The following PLD5 variants were observed in gnomAD, a reference collection of about 807,000 sequenced individuals.
PLD5 encodes inactive phospholipase D5.
PLD5 carries 36 observed loss-of-function variants against 61.1 expected under a neutral mutation model. The ratio of observed to expected loss-of-function variants is 0.59; its 90% CI spans 0.45 to 0.78. PLD5 has a LOEUF of 0.78. PLD5 is among the 30% of genes least tolerant of loss of function. The pLI, the probability that PLD5 is intolerant of heterozygous loss-of-function variation, is 0.00. For synonymous variants in PLD5, 243 were observed against 242.8 expected, an observed-to-expected ratio of 1.00 and a Z score of -0.01; for missense variants, 515 against 644.4, an observed-to-expected ratio of 0.80 and a Z score of 2.17.
chr1:242,250,868 T>C (rs2653179), intron 4 of PLD5, among the ~76,000 whole-genome samples: 1 of 151,248 alleles, frequency 6.6e-6, no homozygotes, highest in African/African-American at 2.4e-5. Context: ...TAAGTTAGAG[T>C]AGTAGAGGGA....
chr1:242,332,249 G>A (rs541195318), intron 2 of PLD5, among the ~76,000 whole-genome samples: 1 of 152,272 alleles, frequency 6.6e-6, no homozygotes, highest in East Asian at 1.9e-4. Flanking sequence ...GTATTTCATG[G>A]TGTATATGTG....
At chr1:242,479,973 C>T (rs1475159410) in intron 1 of PLD5, among the ~76,000 whole-genome samples, 1 of 151,570 alleles carries the variant, frequency 6.6e-6, no homozygotes, top group Non-Finnish European at 1.5e-5. Flanking sequence ...ATCACTTGAA[C>T]CTGGAAGGCA....
chr1:242,110,258 A>G (rs12129045), intron 7 of PLD5, among the ~76,000 whole-genome samples: 59,773 of 151,510 alleles, frequency 0.39, 11,947 homozygotes, highest in Middle Eastern at 0.54. Flanking sequence ...TGTCAGGGCC[A>G]AGGGGAGGAA....
intron 5 of PLD5, among the ~76,000 whole-genome samples, chr1:242,218,388 C>G (rs977358785): frequency 2.6e-5 from 4 of 152,152 alleles, no homozygotes; most frequent in African/African-American, 9.7e-5. Context: ...GTGTGACTTG[C>G]TTTATTGCAG....
chr1:242,128,059 G>A (rs183802603), intron 5 of PLD5, among the ~76,000 whole-genome samples: 188 of 152,310 alleles, frequency 1.2e-3, no homozygotes, highest in African/African-American at 4.4e-3. Context: ...AAGCTTGCAT[G>A]AGAATATGCT....
chr1:242,367,350 A>G (rs1185706045), intron 1 of PLD5, among the ~76,000 whole-genome samples: 1 of 152,172 alleles, frequency 6.6e-6, no homozygotes, highest in Non-Finnish European at 1.5e-5. Flanking sequence ...ACAGAAATGG[A>G]AAGAGCTCTG....
intron 9 of PLD5, among the ~76,000 whole-genome samples, chr1:242,099,167 G>T (rs536400922): frequency 3.4e-4 from 51 of 152,186 alleles, no homozygotes; most frequent in African/African-American, 1.2e-3. Context: ...TGTCACCCTG[G>T]CTGGAGTGCA....
Position 242,211,163 on chromosome 1 carries a change from A to C in PLD5, c.735+8825T>G, listed in dbSNP as rs142542537. 1.2e-3 allele frequency among the ~76,000 whole-genome samples: 185 copies of C among 152,328 alleles called. 4 individuals carry two copies. In the East Asian group the frequency reaches 0.032, roughly 26 times the overall value. Reference sequence around the variant, plus strand: ...AATGTAGACAAAACAACCTTCTATTAGAAGAAGATGCCATCTAGGACTTTT... The same window carrying C: ...AATGTAGACAAAACAACCTTCTATTCGAAGAAGATGCCATCTAGGACTTTT... On this transcript the variant is annotated intron_variant, in intron 5 of 9. Coordinates refer to ENST00000536534, the MANE Select transcript of PLD5 (RefSeq NM_001372062.1).
In PLD5 at chr1:242,256,852, C is replaced by T. The variant is rs1673066820; in HGVS notation, c.607+8485G>A. ...CTATTTCTTTCTTTCTGTGTATCTG[C>T]CATCTATCTTCCTATCTTCTTTCTT... On this transcript the variant is annotated intron_variant, in intron 4 of 9. Coordinates refer to ENST00000536534, the MANE Select transcript of PLD5 (RefSeq NM_001372062.1). The surrounding 1 kb of genome is among the most constrained non-coding windows in gnomAD (Gnocchi z 5.7). Among the ~76,000 whole-genome samples, 1 of 148,108 alleles carries T rather than the reference C, an allele frequency of 6.8e-6. No individual in the cohort carries two copies.
At chr1:242,493,917 C>T (rs1017008888) in intron 1 of PLD5, among the ~76,000 whole-genome samples, 2 of 152,214 alleles carry the variant, frequency 1.3e-5, no homozygotes, top group South Asian at 2.1e-4. Flanking sequence ...TAAGCTCTGT[C>T]GAAAAGGAAT....
chr1:242,260,387 G>A (rs531229953), intron 4 of PLD5, among the ~76,000 whole-genome samples: 27 of 151,408 alleles, frequency 1.8e-4, no homozygotes, highest in African/African-American at 6.0e-4. Flanking sequence ...CTCCCTGTAA[G>A]CCAAGTGGTG....
At chr1:242,313,756 A>C (rs2149176982) in intron 2 of PLD5, among the ~76,000 whole-genome samples, 1 of 152,202 alleles carries the variant, frequency 6.6e-6, no homozygotes, top group South Asian at 2.1e-4. Flanking sequence ...TTGATGAACA[A>C]ATACAATGCC....
chr1:242,498,658 C>G (rs1221406596), intron 1 of PLD5, among the ~76,000 whole-genome samples: 1 of 152,096 alleles, frequency 6.6e-6, no homozygotes, highest in Admixed American at 6.6e-5. Flanking sequence ...GTAATGTCAC[C>G]CTCTTACAGA....
chr1:242,468,461 C>G (rs1667341654), intron 1 of PLD5, among the ~76,000 whole-genome samples: 1 of 152,128 alleles, frequency 6.6e-6, no homozygotes, highest in East Asian at 1.9e-4. Context: ...TTACTTTTCA[C>G]TGACATTTCA....
chr1:242,236,027 C>G (rs771178379), intron 4 of PLD5: 1 of 152,180 alleles, frequency 6.6e-6, no homozygotes, highest in Non-Finnish European at 1.5e-5. Flanking sequence ...GTGCCACGGT[C>G]TGAACATGTG....
intron 2 of PLD5, among the ~76,000 whole-genome samples, chr1:242,296,092 A>G (rs1469926231): frequency 6.6e-6 from 1 of 152,172 alleles, no homozygotes; most frequent in Non-Finnish European, 1.5e-5. Context: ...TACAAAGATT[A>G]ACGGAGGGAA....
rs1257930841 is a variant in PLD5, at chr1:242,146,457, A to C, written c.736-21792T>G. Reference sequence around the variant, plus strand: ...CAGATAATGTAATAGTGAATACATCAAAGTCTATTTACCTAAAAAAACCCT... The same window carrying C: ...CAGATAATGTAATAGTGAATACATCCAAGTCTATTTACCTAAAAAAACCCT... On this transcript the variant is annotated intron_variant, in intron 5 of 9. Coordinates refer to ENST00000536534, the MANE Select transcript of PLD5 (RefSeq NM_001372062.1). Among the ~76,000 whole-genome samples the C allele has an allele frequency of 2.0e-5, 3 of 152,330 alleles. No homozygotes were observed. The South Asian group carries it at 6.2e-4, about 32-fold the overall frequency.
At chr1:242,170,572 A>G (rs1666673628) in intron 5 of PLD5, among the ~76,000 whole-genome samples, 1 of 152,212 alleles carries the variant, frequency 6.6e-6, no homozygotes, top group Non-Finnish European at 1.5e-5. Flanking sequence ...AATTGACATA[A>G]GTAGGCTTCA....
intron 1 of PLD5, among the ~76,000 whole-genome samples, chr1:242,485,174 A>G (rs895992971): frequency 6.6e-6 from 1 of 152,136 alleles, no homozygotes. Context: ...CTCTCTCACC[A>G]CTCCTATTCA....
Sources: allele counts gnomAD v4.1 joint callset (sites outside exome capture counted in the v4.1 genomes callset), GRCh38; gene constraint gnomAD v4.1.1; non-coding constraint Gnocchi (gnomAD v3.1); transcripts MANE v1.5; gene names NCBI Gene and HGNC (gene_info 2026-07-23, HGNC 2026-07-21).